The following TMOD3 variants were observed in gnomAD, a reference collection of about 807,000 sequenced individuals.
TMOD3 encodes the protein tropomodulin-3.
Under a neutral mutation model 39.2 loss-of-function variants are expected in TMOD3, and 20 were observed. The observed-to-expected ratio is 0.51, with a 90% CI of 0.36 to 0.74. The LOEUF (loss-of-function observed/expected upper bound fraction) is 0.74. TMOD3 is among the 30% of genes least tolerant of loss of function. The pLI is 0.00. For missense variants in TMOD3, 381 were observed against 412.8 expected (o/e 0.92, Z 0.67); for synonymous variants, 143 against 145.8 (o/e 0.98, Z 0.14).
At chr15:51,894,949 G>A (rs2056613344) in intron 6 of TMOD3, among the ~76,000 whole-genome samples, 1 of 152,082 alleles carries the variant, frequency 6.6e-6, no homozygotes, top group Non-Finnish European at 1.5e-5. Context: ...CTTGGAGTAA[G>A]GAAAGAAGAA....
intron 1 of TMOD3, among the ~76,000 whole-genome samples, chr15:51,832,390 A>G (rs1199658487): frequency 2.0e-5 from 3 of 151,598 alleles, no homozygotes; most frequent in East Asian, 1.9e-4. Context: ...GGGAACAACT[A>G]AAGTCAATAT....
intron 6 of TMOD3, 64 bp downstream of exon 6, chr15:51,894,009 G>A (rs1595909463): frequency 7.2e-7 from 1 of 1,381,490 alleles, no homozygotes; most frequent in Non-Finnish European, 9.6e-7. Flanking sequence ...GATGAGAGCT[G>A]GGCAGTTGAT....
chr15:51,908,900 G>A lies in TMOD3; in HGVS notation c.*90G>A. 5 of 1,086,204 alleles carry A rather than the reference G, an allele frequency of 4.6e-6. No homozygotes were observed. The highest frequency in any genetic ancestry group is 6.5e-6 in the Non-Finnish European group (5 of 770,948). 67.3% of individuals were successfully genotyped at this position (1,086,204 alleles called of 1,614,324 possible). On this transcript the variant is annotated 3_prime_UTR_variant, in exon 10 of 10. Transcript: ENST00000308580. ...ATGTAAAATTTTCCTGGGTAGAAGG[G>A]AAAAGACTGGAAAAATTTTTTTAGT... is the stretch of plus-strand genomic sequence containing the variant.
At chr15:51,842,903 G>A (rs2141670552) in intron 1 of TMOD3, among the ~76,000 whole-genome samples, 1 of 152,218 alleles carries the variant, frequency 6.6e-6, no homozygotes, top group Middle Eastern at 3.4e-3. Context: ...GTATCTCCAG[G>A]CCCCTGACGT....
intron 3 of TMOD3, among the ~76,000 whole-genome samples, chr15:51,876,437 T>C (rs962805490): frequency 6.6e-6 from 1 of 151,808 alleles, no homozygotes; most frequent in Non-Finnish European, 1.5e-5. Context: ...TACCTGGGAT[T>C]ACAGGTGTGA....
chr15:51,874,946 G>T (rs1484784933), intron 3 of TMOD3: 1 of 152,076 alleles, frequency 6.6e-6, no homozygotes, highest in Non-Finnish European at 1.5e-5. Context: ...CTTTTTGGTT[G>T]TTTTCTCTTT....
intron 1 of TMOD3, among the ~76,000 whole-genome samples, chr15:51,844,365 G>A (rs577489498): frequency 9.9e-5 from 15 of 152,240 alleles, no homozygotes; most frequent in African/African-American, 3.1e-4. Context: ...ATGAATGATG[G>A]GGGGAGGAAA....
intron 7 of TMOD3, among the ~76,000 whole-genome samples, chr15:51,898,801 T>TTCTC (rs927598428): frequency 7.9e-5 from 12 of 152,170 alleles, no homozygotes; most frequent in Non-Finnish European, 1.3e-4. Flanking sequence ...TTGTTCTTTT[T>TTCTC]TCTCTCTCTT....
rs911047284 is a variant in TMOD3 at position 51,908,907 on chromosome 15, C to T, written c.*97C>T. The T allele has an allele frequency of 9.5e-7, 1 of 1,048,616 alleles. No individual in the cohort carries two copies. The highest frequency in any genetic ancestry group is 1.6e-5 in the African/African-American group (1 of 60,944). The allele number at this position is 1,048,616 out of a possible 1,614,324, so 65.0% of individuals were successfully genotyped here. On this transcript the variant is annotated 3_prime_UTR_variant, in exon 10 of 10. Transcript: ENST00000308580. ...ATTTTCCTGGGTAGAAGGGAAAAGA[C>T]TGGAAAAATTTTTTTAGTGACATGC...
intron 1 of TMOD3, chr15:51,859,182 C>A: frequency 1.4e-6 from 1 of 721,688 alleles, no homozygotes; most frequent in East Asian, 2.7e-5. Flanking sequence ...TATTCTTCCT[C>A]TTCACAAACG....
chr15:51,829,654 A>T lies in TMOD3; in HGVS notation c.-257A>T, dbSNP rs557447616. On this transcript the variant is annotated 5_prime_UTR_variant, in exon 1 of 10. Coordinates refer to ENST00000308580, the MANE Select transcript of TMOD3 (RefSeq NM_014547.5). ...GGAGTGCGCACGCGCGTCGGAGGCGAAGGAGGAACCCACCGCACCTACAGG... is the reference window on the plus strand; with the variant it reads ...GGAGTGCGCACGCGCGTCGGAGGCGTAGGAGGAACCCACCGCACCTACAGG... 1 of 152,396 alleles carries T rather than the reference A, an allele frequency of 6.6e-6. No homozygotes were observed. Among genetic ancestry groups the T allele is most frequent in the South Asian group, 2.1e-4 (1 of 4,830 alleles). 9.4% of individuals were successfully genotyped at this position (152,396 alleles called of 1,614,324 possible).
intron 1 of TMOD3, among the ~76,000 whole-genome samples, chr15:51,838,126 TTTC>T (rs2056295587): frequency 6.6e-6 from 1 of 152,064 alleles, no homozygotes; most frequent in Admixed American, 6.5e-5. Flanking sequence ...TCCCTTTACT[TTTC>T]TTCTTCTTGC....
chr15:51,893,315 A>T (rs1358815941), intron 5 of TMOD3, among the ~76,000 whole-genome samples: 1 of 150,932 alleles, frequency 6.6e-6, no homozygotes, highest in African/African-American at 2.4e-5. Flanking sequence ...AAAAAAAAAA[A>T]AAAAAAAATT....
At chr15:51,850,368 A>G (rs2056355438) in intron 1 of TMOD3, among the ~76,000 whole-genome samples, 1 of 152,180 alleles carries the variant, frequency 6.6e-6, no homozygotes, top group Non-Finnish European at 1.5e-5. Context: ...CAGTTTATCC[A>G]TAATAGCAAG....
At chr15:51,870,738 G>T (rs2056470879) in intron 3 of TMOD3, among the ~76,000 whole-genome samples, 1 of 152,120 alleles carries the variant, frequency 6.6e-6, no homozygotes, top group South Asian at 2.1e-4. Flanking sequence ...TCTTGTTAAG[G>T]ATCACTATCT....
At chr15:51,848,953 T>C (rs1443013288) in intron 1 of TMOD3, among the ~76,000 whole-genome samples, 2 of 152,214 alleles carry the variant, frequency 1.3e-5, no homozygotes, top group Admixed American at 6.5e-5. Context: ...TGTAGTGGGT[T>C]AACATAATCT....
chr15:51,871,120 A>C (rs1268329645), intron 3 of TMOD3, among the ~76,000 whole-genome samples: 1 of 152,236 alleles, frequency 6.6e-6, no homozygotes, highest in Non-Finnish European at 1.5e-5. Context: ...ACCACAGCCC[A>C]GCCAAATTGA....
At chr15:51,868,726 C>G (rs965442928) in intron 2 of TMOD3, among the ~76,000 whole-genome samples, 1 of 152,234 alleles carries the variant, frequency 6.6e-6, no homozygotes, top group South Asian at 2.1e-4. Flanking sequence ...AATCCCAACA[C>G]TTTGGGCAGC....
chr15:51,872,104 ACAT>A (rs1307327529), intron 3 of TMOD3, among the ~76,000 whole-genome samples: 1 of 152,190 alleles, frequency 6.6e-6, no homozygotes, highest in Non-Finnish European at 1.5e-5. Context: ...GGTAACGATA[ACAT>A]CAGCAGCCGG....
Sources: gnomAD v4.1 joint callset for allele counts (sites outside exome capture counted in the v4.1 genomes callset) on GRCh38, gnomAD v4.1.1 for gene constraint, MANE v1.5 for transcripts, NCBI Gene and HGNC (gene_info 2026-07-23, HGNC 2026-07-21) for gene names.